Variants in UGT1A10 observed in about 807,000 individuals in gnomAD.
UGT1A10 encodes the protein UDP glucuronosyltransferase family 1 member A10, also known as UDP-glucuronosyltransferase 1A10.
UGT1A10 carries 49 observed loss-of-function variants against 45.8 expected under a neutral mutation model. That is an observed-to-expected ratio of 1.07 (90% CI 0.85 to 1.36). The LOEUF (loss-of-function observed/expected upper bound fraction) is 1.36, where lower values mean the gene tolerates loss of function less well. Among genes scored for constraint, UGT1A10 ranks in the 40% most tolerant of loss-of-function variants. The pLI is 0.00. For missense variants in UGT1A10, 745 were observed against 668.6 expected (o/e 1.11, Z -1.26); for synonymous variants, 284 against 249.7 (o/e 1.14, Z -1.29).
chr2:233,763,329 T>A (rs752568926), intron 1 of UGT1A10, among the ~76,000 whole-genome samples: 30 of 152,234 alleles, frequency 2.0e-4, no homozygotes, highest in Non-Finnish European at 3.5e-4. Context: ...ATTATTTTTG[T>A]TTACATTTCC....
chr2:233,741,097 A>C (rs1691564364), intron 1 of UGT1A10, among the ~76,000 whole-genome samples: 1 of 151,840 alleles, frequency 6.6e-6, no homozygotes, highest in South Asian at 2.1e-4. Flanking sequence ...ACAAGCAAAC[A>C]GACAATCAAG....
At chr2:233,685,409 A>G (rs28898571) in intron 1 of UGT1A10, among the ~76,000 whole-genome samples, 2,771 of 152,310 alleles carry the variant, frequency 0.018, 88 homozygotes, top group African/African-American at 0.063. Context: ...AGCAGAATTG[A>G]TGGTTGAATC....
At chr2:233,739,607 G>C (rs1198320819) in intron 1 of UGT1A10, among the ~76,000 whole-genome samples, 2 of 152,134 alleles carry the variant, frequency 1.3e-5, no homozygotes, top group Non-Finnish European at 2.9e-5. Context: ...CCTTTGTTTT[G>C]GCCAGTTTCT....
At chr2:233,695,507 A>G (rs2075293292) in intron 1 of UGT1A10, among the ~76,000 whole-genome samples, 1 of 151,474 alleles carries the variant, frequency 6.6e-6, no homozygotes, top group African/African-American at 2.4e-5. Context: ...TTTTTGGAGT[A>G]TTACAAATTT....
At position 233,729,418 on chromosome 2, in the gene UGT1A10, C is replaced by G. The variant is rs767075573; in HGVS notation, c.856-37616C>G. 8.1e-6 allele frequency: 13 copies of G among 1,613,638 alleles called. No individual in the cohort carries two copies. In the African/African-American group the frequency reaches 1.5e-4, roughly 18 times the overall value. The stretch of plus-strand genomic sequence containing the variant: ...TGATCGCCATGTGCTGGGCCACACT[C>G]AACTGTACTTTGAAACAGAACATTT... On this transcript the variant is annotated intron_variant, in intron 1 of 4. Coordinates refer to ENST00000344644, the MANE Select transcript of UGT1A10 (RefSeq NM_019075.4).
chr2:233,766,905 T>C, intron 1 of UGT1A10, 129 bp from the exon 2 acceptor site: 15 of 1,501,130 alleles, frequency 1.0e-5, no homozygotes, highest in Non-Finnish European at 1.2e-5. Flanking sequence ...AATAATTTTT[T>C]ACTCTATCTC....
chr2:233,693,977 TG>T, intron 1 of UGT1A10: 1 of 1,559,126 alleles, frequency 6.4e-7, no homozygotes, highest in Non-Finnish European at 8.7e-7. Flanking sequence ...GGAGAAACGG[TG>T]GGGGGAAGTG....
chr2:233,680,433 C>G (rs1172149473), intron 1 of UGT1A10, among the ~76,000 whole-genome samples: 1 of 152,128 alleles, frequency 6.6e-6, no homozygotes. Context: ...GTAGTATGTA[C>G]TAGAGGAAAG....
intron 1 of UGT1A10, among the ~76,000 whole-genome samples, chr2:233,752,861 G>T (rs1247616817): frequency 2.0e-5 from 3 of 152,178 alleles, no homozygotes; most frequent in Non-Finnish European, 2.9e-5. Context: ...TGAACTTTGT[G>T]TTAGCTTTCA....
At chr2:233,711,907 T>C (rs1300995032) in intron 1 of UGT1A10, among the ~76,000 whole-genome samples, 1 of 152,214 alleles carries the variant, frequency 6.6e-6, no homozygotes, top group Non-Finnish European at 1.5e-5. Context: ...GTGAGACCAT[T>C]GTGAGTGCTC....
rs767800703 is a variant in UGT1A10 at position 233,760,482 on chromosome 2, G to A, written c.856-6552G>A. 9.3e-6 allele frequency: 15 copies of A among 1,614,120 alleles called. No homozygotes were observed. The highest frequency in any genetic ancestry group is 4.0e-5 in the African/African-American group (3 of 74,938). ...TAGTTGTCCTAGCACCTGACGCCTC[G>A]TTGTACATCAGAGACGGAGCATTTT... is the stretch of plus-strand genomic sequence containing the variant. On this transcript the variant is annotated intron_variant, in intron 1 of 4. Transcript: ENST00000344644.
At chr2:233,675,198 C>A (rs6720862) in intron 1 of UGT1A10, among the ~76,000 whole-genome samples, 236 of 152,174 alleles carry the variant, frequency 1.6e-3, no homozygotes, top group African/African-American at 5.6e-3. Context: ...GCAGATGGCC[C>A]CGTCTTCAAT....
chr2:233,724,358 C>T (rs2077236787), intron 1 of UGT1A10, among the ~76,000 whole-genome samples: 1 of 147,908 alleles, frequency 6.8e-6, no homozygotes, highest in African/African-American at 2.5e-5. Context: ...CACCTCCCTC[C>T]CGGACGGGGT....
chr2:233,692,962 G>A (rs1229864362), intron 1 of UGT1A10: 7 of 1,609,176 alleles, frequency 4.4e-6, no homozygotes, highest in Non-Finnish European at 5.1e-6. Flanking sequence ...GATTTGGAGA[G>A]TGAAAACTCT....
rs558234193 is a variant in UGT1A10 at position 233,719,553 on chromosome 2, G to C, written c.856-47481G>C. 7.4e-6 allele frequency: 12 copies of C among 1,613,960 alleles called. No homozygotes were observed. In the South Asian group the frequency reaches 1.2e-4, roughly 16 times the overall value. On this transcript the variant is annotated intron_variant, in intron 1 of 4. Coordinates refer to ENST00000344644, the MANE Select transcript of UGT1A10 (RefSeq NM_019075.4). ...TGAGCTTTTTCAGAGAGAGGTGTCA[G>C]TGGTGGATCTTGTCAGCTATGCATC...
intron 1 of UGT1A10, among the ~76,000 whole-genome samples, chr2:233,669,018 A>G (rs530202716): frequency 4.9e-4 from 74 of 152,316 alleles, no homozygotes; most frequent in African/African-American, 1.4e-3. Flanking sequence ...CACAGGGGTT[A>G]TAGGTTTTTA....
chr2:233,653,688 C>A (rs751571733), intron 1 of UGT1A10, among the ~76,000 whole-genome samples: 2 of 152,120 alleles, frequency 1.3e-5, no homozygotes, highest in Non-Finnish European at 2.9e-5. Context: ...CATCTGCTGC[C>A]CGAGTTCAAG....
chr2:233,662,686 C>T (rs2074000163), intron 1 of UGT1A10, among the ~76,000 whole-genome samples: 1 of 152,124 alleles, frequency 6.6e-6, no homozygotes, highest in African/African-American at 2.4e-5. Flanking sequence ...AGCCCCCATT[C>T]TTGGCATGTG....
intron 1 of UGT1A10, chr2:233,743,074 A>G: frequency 2.9e-6 from 1 of 345,076 alleles, no homozygotes; most frequent in East Asian, 7.5e-5. Context: ...AGGTGTTGGC[A>G]TGAAGTGTTT....
Sources: gnomAD v4.1 joint callset for allele counts (sites outside exome capture counted in the v4.1 genomes callset) on GRCh38, gnomAD v4.1.1 for gene constraint, MANE v1.5 for transcripts, NCBI Gene and HGNC (gene_info 2026-07-23, HGNC 2026-07-21) for gene names.